The following PLCXD3 variants were observed in gnomAD, a reference collection of about 807,000 sequenced individuals.
PLCXD3 encodes phosphatidylinositol specific phospholipase C X domain containing 3, also known as PI-PLC X domain-containing protein 3.
In PLCXD3, 19 loss-of-function variants were observed where a neutral mutation model predicts 25.5. That is an observed-to-expected ratio of 0.75 (90% CI 0.52 to 1.09). The LOEUF (loss-of-function observed/expected upper bound fraction) is 1.09, where lower values mean the gene tolerates loss of function less well. PLCXD3 is among the 50% of genes least tolerant of loss of function. The pLI is 0.00. For synonymous variants in PLCXD3, 174 were observed against 137.6 expected, an observed-to-expected ratio of 1.26 and a Z score of -1.85; for missense variants, 411 against 388.1, an observed-to-expected ratio of 1.06 and a Z score of -0.50.
intron 2 of PLCXD3, among the ~76,000 whole-genome samples, chr5:41,349,683 T>C (rs1371299705): frequency 6.6e-6 from 1 of 152,222 alleles, no homozygotes; most frequent in Non-Finnish European, 1.5e-5. Context: ...CACTTCAAAA[T>C]CCTAGAATTT....
At chr5:41,330,599 GC>G (rs1743770506) in intron 2 of PLCXD3, among the ~76,000 whole-genome samples, 1 of 152,264 alleles carries the variant, frequency 6.6e-6, no homozygotes, top group Non-Finnish European at 1.5e-5. Flanking sequence ...ATTTTATGAG[GC>G]CAGCATCATC....
chr5:41,485,240 G>C (rs1041633020), intron 1 of PLCXD3, among the ~76,000 whole-genome samples: 4 of 152,148 alleles, frequency 2.6e-5, no homozygotes, highest in African/African-American at 9.7e-5. Flanking sequence ...CAGTATCTTA[G>C]AGTGAAAAAA....
intron 1 of PLCXD3, among the ~76,000 whole-genome samples, chr5:41,441,411 G>A (rs571468866): frequency 6.6e-5 from 10 of 152,268 alleles, no homozygotes; most frequent in East Asian, 5.8e-4. Flanking sequence ...GAATACGTTC[G>A]TTCTGCTCAG....
chr5:41,500,859 G>A (rs549616738), intron 1 of PLCXD3, among the ~76,000 whole-genome samples: 2 of 151,838 alleles, frequency 1.3e-5, no homozygotes, highest in South Asian at 2.1e-4. Context: ...CCTACAACTC[G>A]ATAGCAAAAA....
intron 1 of PLCXD3, among the ~76,000 whole-genome samples, chr5:41,467,722 A>T (rs555078622): frequency 3.3e-5 from 5 of 152,016 alleles, no homozygotes; most frequent in Non-Finnish European, 7.4e-5. Flanking sequence ...ATCCATTTTG[A>T]TTGATTTTTG....
intron 1 of PLCXD3, among the ~76,000 whole-genome samples, chr5:41,455,124 T>C (rs1379309): frequency 0.64 from 96,329 of 151,698 alleles, 32,679 homozygotes; most frequent in Admixed American, 0.74. Context: ...ATGAGGATCA[T>C]GGTGATTACA....
At position 41,336,621 on chromosome 5, in the gene PLCXD3, G is replaced by A. The variant is rs544252531; in HGVS notation, c.813-22851C>T. Among the ~76,000 whole-genome samples the A allele has an allele frequency of 5.3e-5, 8 of 152,182 alleles. No individual in the cohort carries two copies. In the South Asian group the frequency reaches 1.7e-3, roughly 32 times the overall value. ...CTTCTAGCTTCTGAAAGTGTTGTTG[G>A]CTGTCAATTCCCAACTAAGTTTCTG... On this transcript the variant is annotated intron_variant, in intron 2 of 2. Coordinates refer to ENST00000377801, the MANE Select transcript of PLCXD3 (RefSeq NM_001005473.3).
chr5:41,388,971 T>C (rs1040232000), intron 1 of PLCXD3, among the ~76,000 whole-genome samples: 2 of 151,380 alleles, frequency 1.3e-5, no homozygotes, highest in Non-Finnish European at 2.9e-5. Context: ...TATATATAAA[T>C]GTATTTATAA....
chr5:41,325,568 A>C (rs1743602459), intron 2 of PLCXD3, among the ~76,000 whole-genome samples: 2 of 152,200 alleles, frequency 1.3e-5, no homozygotes, highest in South Asian at 2.1e-4. Context: ...TACATGTGAA[A>C]AGAAAACATT....
At chr5:41,350,277 G>A (rs1263009479) in intron 2 of PLCXD3, among the ~76,000 whole-genome samples, 2 of 152,112 alleles carry the variant, frequency 1.3e-5, no homozygotes, top group Non-Finnish European at 1.5e-5. Context: ...TAAATCTACA[G>A]CATAGAGGTC....
At chr5:41,323,392 C>A (rs1743533531) in intron 2 of PLCXD3, among the ~76,000 whole-genome samples, 1 of 152,112 alleles carries the variant, frequency 6.6e-6, no homozygotes, top group Non-Finnish European at 1.5e-5. Context: ...ACTCAATGGG[C>A]AAATGCTTGA....
Position 41,308,602 on chromosome 5 carries a change from G to T in PLCXD3, c.*5015C>A, listed in dbSNP as rs1226613947. On this transcript the variant is annotated 3_prime_UTR_variant, in exon 3 of 3. Transcript: ENST00000377801. ...GACCAGAAAAGTGTGTGGGTTGCAT[G>T]CTTGTTTTCTCGAGAAGAGAACCAT... The T allele has an allele frequency of 1.3e-5, 2 of 152,110 alleles. No individual in the cohort carries two copies. The highest frequency in any genetic ancestry group is 4.8e-5 in the African/African-American group (2 of 41,428). The allele number at this position is 152,110 out of a possible 1,614,324, so 9.4% of individuals were successfully genotyped here. A position where few individuals can be genotyped will look rare whatever the true frequency, so the allele number is the denominator to read the frequency against.
intron 1 of PLCXD3, chr5:41,475,506 A>G (rs1399763245): frequency 2.2e-6 from 1 of 460,540 alleles, no homozygotes; most frequent in Non-Finnish European, 4.4e-6. Flanking sequence ...GTCTTTCCCT[A>G]CCTATCTCTA....
chr5:41,341,804 G>T (rs542598166), intron 2 of PLCXD3, among the ~76,000 whole-genome samples: 144 of 152,264 alleles, frequency 9.5e-4, no homozygotes, highest in Middle Eastern at 3.4e-3. Context: ...TAAAATGAAA[G>T]TTGTCATCTA....
intron 1 of PLCXD3, chr5:41,475,692 G>A: frequency 1.9e-6 from 1 of 534,738 alleles, no homozygotes; most frequent in South Asian, 1.4e-5. Flanking sequence ...AGTACTATTT[G>A]AGACCATCAC....
intron 1 of PLCXD3, among the ~76,000 whole-genome samples, chr5:41,492,940 A>G (rs1351949502): frequency 6.6e-6 from 1 of 152,198 alleles, no homozygotes; most frequent in Non-Finnish European, 1.5e-5. Flanking sequence ...CGTCAAAGTC[A>G]TTCTCCCTCC....
chr5:41,406,798 A>G (rs951723024), intron 1 of PLCXD3, among the ~76,000 whole-genome samples: 1 of 152,156 alleles, frequency 6.6e-6, no homozygotes, highest in Non-Finnish European at 1.5e-5. Context: ...CTCAGCCTCT[A>G]GAATGGATTT....
In PLCXD3 at chr5:41,424,331, G is replaced by A. The variant is rs556451082; in HGVS notation, c.104-41797C>T. Among the ~76,000 whole-genome samples the A allele has an allele frequency of 4.8e-4, 73 of 152,242 alleles. 1 individual carries two copies. The highest frequency in any genetic ancestry group is 1.4e-3 in the Admixed American group (22 of 15,294). ...GGCCGAGGCGGGCAGATCACCTGAG[G>A]TCAGGAGTTCGAGACCAGCCTCAAC... On this transcript the variant is annotated intron_variant, in intron 1 of 2. Coordinates refer to ENST00000377801, the MANE Select transcript of PLCXD3 (RefSeq NM_001005473.3).
At chr5:41,325,204 A>G (rs1011572015) in intron 2 of PLCXD3, among the ~76,000 whole-genome samples, 2 of 152,234 alleles carry the variant, frequency 1.3e-5, no homozygotes, top group Non-Finnish European at 2.9e-5. Flanking sequence ...TATGAATATT[A>G]CATTTAAAAT....
Sources: gnomAD v4.1 joint callset for allele counts (sites outside exome capture counted in the v4.1 genomes callset) on GRCh38, gnomAD v4.1.1 for gene constraint, MANE v1.5 for transcripts, NCBI Gene and HGNC (gene_info 2026-07-23, HGNC 2026-07-21) for gene names.